The following KATNBL1 variants were observed in gnomAD, a reference collection of about 807,000 sequenced individuals.
The protein encoded by KATNBL1 is katanin regulatory subunit B1 like 1.
Under a neutral mutation model 44.7 loss-of-function variants are expected in KATNBL1, and 28 were observed. The observed-to-expected ratio is 0.63, with a 90% confidence interval of 0.46 to 0.86. The LOEUF (loss-of-function observed/expected upper bound fraction) is 0.86. Among genes scored for constraint, KATNBL1 ranks in the 40% least tolerant of loss-of-function variants. The pLI is 0.00. For missense variants in KATNBL1, 272 were observed against 350.7 expected, an observed-to-expected ratio of 0.78 and a Z score of 1.79; for synonymous variants, 78 against 114.9, an observed-to-expected ratio of 0.68 and a Z score of 2.06.
At chr15:34,162,236 G>A (rs139179199) in intron 2 of KATNBL1, among the ~76,000 whole-genome samples, 147 of 152,256 alleles carry the variant, frequency 9.7e-4, no homozygotes, top group African/African-American at 3.5e-3. Context: ...GGGACTCAGT[G>A]GGAGATAATT....
In KATNBL1 at chr15:34,181,815, C is replaced by CATATATAT. The variant is rs1567532356; in HGVS notation, c.-14-18126_-14-18125insATATATAT. ...ATATATCCATATATATACATATATA[C>CATATATAT]ATGTCCATATATATCCATATATATA... On this transcript the variant is annotated intron_variant, in intron 1 of 9. Coordinates refer to ENST00000256544, the MANE Select transcript of KATNBL1 (RefSeq NM_024713.3). Among the ~76,000 whole-genome samples, 327 of 68,832 alleles carry CATATATAT rather than the reference C, an allele frequency of 4.8e-3. 12 individuals are homozygous for CATATATAT. The highest frequency in any genetic ancestry group is 0.029 in the Middle Eastern group (2 of 70). The allele number at this position is 68,832 out of a possible 152,430, so 45.2% of individuals were successfully genotyped here.
chr15:34,152,496 T>G (rs753758169), intron 4 of KATNBL1, among the ~76,000 whole-genome samples: 1 of 152,244 alleles, frequency 6.6e-6, no homozygotes, highest in Non-Finnish European at 1.5e-5. Flanking sequence ...AGTGCTCCAC[T>G]TTTTTAGGCA....
intron 5 of KATNBL1, among the ~76,000 whole-genome samples, chr15:34,148,133 GA>G (rs1256578040): frequency 6.6e-6 from 1 of 152,132 alleles, no homozygotes; most frequent in Admixed American, 6.6e-5. Context: ...TTATAGGCAA[GA>G]ACTGCCACAC....
intron 4 of KATNBL1, among the ~76,000 whole-genome samples, chr15:34,151,436 CTTTTTTTTTTTTTTTTT>C (rs58824450): frequency 3.3e-5 from 2 of 60,710 alleles, no homozygotes; most frequent in African/African-American, 1.3e-4. Context: ...CCTTTGCCTA[CTTTTTTTTTTTTTTTTT>C]TTTTTTTTTT....
chr15:34,145,671 C>CTTT, intron 8 of KATNBL1, 180 bp from the exon 9 acceptor site: 1 of 449,410 alleles, frequency 2.2e-6, no homozygotes, highest in Non-Finnish European at 3.3e-6. Flanking sequence ...AATCAAATAA[C>CTTT]TTTTAGAATA....
chr15:34,171,115 C>T (rs1441773397), intron 1 of KATNBL1, among the ~76,000 whole-genome samples: 1 of 152,098 alleles, frequency 6.6e-6, no homozygotes, highest in African/African-American at 2.4e-5. Flanking sequence ...AGCTTCTGCA[C>T]AGCAAAAGAA....
At chr15:34,145,588 T>G in intron 8 of KATNBL1, 97 bp from the exon 9 acceptor site, 1 of 1,111,288 alleles carries the variant, frequency 9.0e-7, no homozygotes, top group South Asian at 2.9e-5. Flanking sequence ...CTAAAATTTT[T>G]CAGGTATTTT....
At chr15:34,154,519 T>G in intron 3 of KATNBL1, 125 bp downstream of exon 3, 1 of 703,010 alleles carries the variant, frequency 1.4e-6, no homozygotes, top group Non-Finnish European at 2.5e-6. Context: ...GATACTGGCA[T>G]AAAGAAGCTG....
chr15:34,187,828 T>C (rs569045260), intron 1 of KATNBL1, among the ~76,000 whole-genome samples: 1 of 152,134 alleles, frequency 6.6e-6, no homozygotes, highest in South Asian at 2.1e-4. Context: ...AACAACCACA[T>C]TGCCACAAAT....
chr15:34,157,747 T>TA (rs1309118482), intron 2 of KATNBL1, among the ~76,000 whole-genome samples: 13 of 152,286 alleles, frequency 8.5e-5, no homozygotes, highest in African/African-American at 3.1e-4. Flanking sequence ...AGTGGCTTTT[T>TA]AGAGTTTGGT....
At chr15:34,151,329 AATG>A (rs1251116757) in intron 4 of KATNBL1, among the ~76,000 whole-genome samples, 1 of 151,008 alleles carries the variant, frequency 6.6e-6, no homozygotes, top group Non-Finnish European at 1.5e-5. Context: ...GCATTTCTCT[AATG>A]ATGAGTGATT....
At chr15:34,208,180 T>C (rs1294154507) in intron 1 of KATNBL1, among the ~76,000 whole-genome samples, 2 of 152,160 alleles carry the variant, frequency 1.3e-5, no homozygotes. Context: ...TTTCCGAGAT[T>C]CTGGTGCACC....
At chr15:34,186,708 C>T (rs1889726647) in intron 1 of KATNBL1, among the ~76,000 whole-genome samples, 1 of 152,222 alleles carries the variant, frequency 6.6e-6, no homozygotes. Context: ...GGGGTGTCTG[C>T]TCCCACTGCC....
Position 34,147,165 on chromosome 15 carries a change from A to C in KATNBL1, c.698+35T>G, listed in dbSNP as rs538528685. 1.3e-4 allele frequency: 181 copies of C among 1,351,478 alleles called. 2 individuals are homozygous for C. In the South Asian group the frequency reaches 2.0e-3, roughly 15 times the overall value. 83.7% of individuals were successfully genotyped at this position (1,351,478 alleles called of 1,614,324 possible). A position where few individuals can be genotyped will look rare whatever the true frequency, so the allele number is the denominator to read the frequency against. ...AAGCACAAAATCAAGGATGCTGAAA[A>C]AGAAAAATGAATCAAGATTCAGATT... On this transcript the variant is annotated intron_variant, in intron 7 of 9. Coordinates refer to ENST00000256544, the MANE Select transcript of KATNBL1 (RefSeq NM_024713.3).
chr15:34,170,688 T>C (rs1477604247), intron 1 of KATNBL1, among the ~76,000 whole-genome samples: 2 of 152,132 alleles, frequency 1.3e-5, no homozygotes, highest in East Asian at 1.9e-4. Flanking sequence ...CTTCAAACTA[T>C]ACTACAAGGC....
intron 1 of KATNBL1, among the ~76,000 whole-genome samples, chr15:34,171,908 G>A (rs1023452298): frequency 1.4e-5 from 2 of 143,554 alleles, no homozygotes; most frequent in Non-Finnish European, 3.1e-5. Flanking sequence ...GACACAGGGC[G>A]GGGAACATCA....
intron 2 of KATNBL1, among the ~76,000 whole-genome samples, chr15:34,159,511 T>C (rs773081144): frequency 2.0e-5 from 3 of 152,232 alleles, no homozygotes; most frequent in Non-Finnish European, 4.4e-5. Context: ...AAGCTCATCA[T>C]GGAGAAGACC....
At chr15:34,200,422 GTT>G (rs71119947) in intron 1 of KATNBL1, among the ~76,000 whole-genome samples, 19,231 of 146,892 alleles carry the variant, frequency 0.13, 1,339 homozygotes, top group Non-Finnish European at 0.15. Flanking sequence ...CCAGCTAATT[GTT>G]TTTTTTTTTT....
intron 1 of KATNBL1, among the ~76,000 whole-genome samples, chr15:34,190,019 A>T (rs1161148947): frequency 6.7e-6 from 1 of 150,234 alleles, no homozygotes; most frequent in Non-Finnish European, 1.5e-5. Flanking sequence ...ATCTCGGCTC[A>T]CTGCAAGCTC....
Sources: gnomAD v4.1 joint callset for allele counts (sites outside exome capture counted in the v4.1 genomes callset) on GRCh38, gnomAD v4.1.1 for gene constraint, MANE v1.5 for transcripts, NCBI Gene and HGNC (gene_info 2026-07-23, HGNC 2026-07-21) for gene names.